The following APOL3 variants were observed in gnomAD, a reference collection of about 807,000 sequenced individuals.
APOL3 encodes the protein apolipoprotein L3.
APOL3 carries 14 observed loss-of-function variants against 11.6 expected under a neutral mutation model. That is an observed-to-expected ratio of 1.21 (90% CI 0.80 to 1.89). APOL3 has a LOEUF of 1.89. Among genes scored for constraint, APOL3 ranks in the 40% most tolerant of loss-of-function variants. The probability of loss-of-function intolerance (pLI) is 0.00; values close to 1 mark genes in which losing one functional copy is unlikely to be tolerated. For missense variants in APOL3, 483 were observed against 492.1 expected (o/e 0.98, Z 0.17); for synonymous variants, 192 against 190.6 (o/e 1.01, Z -0.06).
At chr22:36,165,116 C>T (rs2013825173), upstream of APOL3, 1 of 152,102 alleles carries the variant, frequency 6.6e-6, no homozygotes, top group South Asian at 2.1e-4. Flanking sequence ...CCTATACACG[C>T]TCAATCTGGT....
upstream of APOL3, chr22:36,160,943 C>A (rs1205681084): frequency 6.4e-7 from 1 of 1,551,580 alleles, no homozygotes. Context: ...CCAAGAGCAG[C>A]CCCAGACGTC....
chr22:36,154,457 A>G, intron 1 of APOL3: 1 of 379,700 alleles, frequency 2.6e-6, no homozygotes, highest in Non-Finnish European at 5.4e-6. Context: ...ACTTATCGTA[A>G]CAGAGAATGT....
chr22:36,149,629 A>T (rs902321237), intron 1 of APOL3: 4 of 359,160 alleles, frequency 1.1e-5, no homozygotes, highest in African/African-American at 6.4e-5. Flanking sequence ...TCCCATTTTG[A>T]AACAGAAGAA....
At chr22:36,148,918 C>T (rs1333395204) in intron 1 of APOL3, 128 bp downstream of exon 2, 1 of 928,940 alleles carries the variant, frequency 1.1e-6, no homozygotes, top group Non-Finnish European at 1.6e-6. Flanking sequence ...TCTTTTGGGG[C>T]TCAGGGAAGA....
chr22:36,145,413 CA>C (rs35695019), intron 2 of APOL3, 59 bp downstream of exon 3: 46,233 of 1,592,562 alleles, frequency 0.029, 849 homozygotes, highest in Non-Finnish European at 0.035. Context: ...AAAACTAGCC[CA>C]GGGGAGATCA....
intron 1 of APOL3, chr22:36,149,903 T>C: frequency 2.2e-6 from 1 of 456,276 alleles, no homozygotes; most frequent in South Asian, 1.5e-5. Flanking sequence ...ATGTCCTGGC[T>C]GCAAGTGATG....
chr22:36,155,017 T>C (rs1314894393), intron 1 of APOL3, among the ~76,000 whole-genome samples: 2 of 152,186 alleles, frequency 1.3e-5, no homozygotes, highest in Non-Finnish European at 2.9e-5. Flanking sequence ...GAGGTGCCGA[T>C]GGACCTCCAC....
upstream of APOL3, among the ~76,000 whole-genome samples, chr22:36,162,567 G>T (rs186579846): frequency 6.6e-6 from 1 of 152,070 alleles, no homozygotes; most frequent in Non-Finnish European, 1.5e-5. Context: ...TCCACAAACC[G>T]CACAGAAGCA....
At position 36,158,968 on chromosome 22, in the gene APOL3, T is replaced by TGC. The variant is rs1279873997; in HGVS notation, c.223+1700_223+1701insGC. The stretch of plus-strand genomic sequence containing the variant: ...TCTGAATAGCAGGTGTGAGTGTGCG[T>TGC]GTGTGTGTGTGTGTGTGTGTGTGAA... On this transcript the variant is annotated intron_variant, in intron 1 of 2. Transcript: ENST00000349314. 3.8e-3 allele frequency among the ~76,000 whole-genome samples: 106 copies of TGC among 28,126 alleles called. 1 individual carries two copies. Among genetic ancestry groups the TGC allele is most frequent in the African/African-American group, 6.1e-3 (106 of 17,352 alleles). The allele number at this position is 28,126 out of a possible 152,430, so 18.5% of individuals were successfully genotyped here.
chr22:36,149,862 G>T (rs1394211097), intron 1 of APOL3: 1 of 456,208 alleles, frequency 2.2e-6, no homozygotes, highest in Admixed American at 2.3e-5. Flanking sequence ...TGCTGTGCTG[G>T]ACACCCTTTG....
intron 1 of APOL3, among the ~76,000 whole-genome samples, chr22:36,156,192 T>A (rs562548542): frequency 6.6e-6 from 1 of 152,156 alleles, no homozygotes; most frequent in Non-Finnish European, 1.5e-5. Flanking sequence ...CGTTCTAGGA[T>A]CAATCGATCC....
exon 3 of APOL3, chr22:36,141,359 T>C (rs755315600): frequency 3.6e-5 from 58 of 1,614,066 alleles, no homozygotes; most frequent in Non-Finnish European, 4.7e-5. Context: ...CCACATCCAG[T>C]GCAAGGAAGA....
At chr22:36,145,677 G>C in intron 1 of APOL3, 78 bp from the exon 3 acceptor site, 1 of 1,559,454 alleles carries the variant, frequency 6.4e-7, no homozygotes, top group Non-Finnish European at 8.7e-7. Flanking sequence ...GGTGGTTCGA[G>C]GTTAATCCTC....
intron 1 of APOL3, among the ~76,000 whole-genome samples, chr22:36,156,503 T>C (rs2012865685): frequency 6.6e-6 from 1 of 152,122 alleles, no homozygotes; most frequent in African/African-American, 2.4e-5. Flanking sequence ...ACAGTCACCT[T>C]GGGTCCAGGT....
intron 1 of APOL3, 73 bp from the exon 3 acceptor site, chr22:36,145,672 T>A: frequency 6.4e-7 from 1 of 1,572,796 alleles, no homozygotes. Context: ...AATAAGGTGG[T>A]TCGAGGTTAA....
upstream of APOL3, chr22:36,164,803 G>A (rs2013817725): frequency 6.6e-6 from 1 of 152,086 alleles, no homozygotes; most frequent in Non-Finnish European, 1.5e-5. Flanking sequence ...TCACAATATT[G>A]GTTGGGATCC....
rs150703848 is a variant in APOL3 at position 36,142,194 on chromosome 22, G to A, written c.351-136C>T. 6.9e-4 allele frequency: 724 copies of A among 1,047,316 alleles called. 8 individuals are homozygous for A. In the Admixed American group the frequency reaches 0.018, roughly 26 times the overall value. The allele number at this position is 1,047,316 out of a possible 1,614,324, so 64.9% of individuals were successfully genotyped here. A position where few individuals can be genotyped will look rare whatever the true frequency, so the allele number is the denominator to read the frequency against. On this transcript the variant is annotated intron_variant, in intron 2 of 2. Coordinates refer to ENST00000349314, the Ensembl canonical transcript of APOL3. ...GAAATAAAGCTTTAAATTTTAAATG[G>A]AAAAATTTAAAATAATTTTTCCAAG... is the stretch of plus-strand genomic sequence containing the variant.
chr22:36,158,968 T>C (rs1012800504), intron 1 of APOL3, among the ~76,000 whole-genome samples: 440 of 28,122 alleles, frequency 0.016, 1 homozygote, highest in African/African-American at 0.024. Context: ...TGAGTGTGCG[T>C]GTGTGTGTGT....
chr22:36,153,066 G>A (rs1408307893), intron 1 of APOL3, among the ~76,000 whole-genome samples: 3 of 151,946 alleles, frequency 2.0e-5, no homozygotes, highest in Non-Finnish European at 4.4e-5. Flanking sequence ...AGCCAAGATA[G>A]CTACATTGCA....
Sources: allele counts gnomAD v4.1 joint callset (sites outside exome capture counted in the v4.1 genomes callset), GRCh38; gene constraint gnomAD v4.1.1; transcripts MANE v1.5; gene names NCBI Gene and HGNC (gene_info 2026-07-23, HGNC 2026-07-21).